Variants in ADGRL4 observed in about 807,000 individuals in gnomAD.
ADGRL4 encodes EGF, latrophilin and seven transmembrane domain containing 1.
A neutral mutation model predicts 74.8 loss-of-function variants in ADGRL4; 90 were observed. The ratio of observed to expected loss-of-function variants is 1.20; its 90% CI spans 1.02 to 1.43. ADGRL4 has a LOEUF of 1.43. Among genes scored for constraint, ADGRL4 ranks in the 40% most tolerant of loss-of-function variants. ADGRL4 has a pLI of 0.00. For missense variants in ADGRL4, 881 were observed against 814.3 expected, an observed-to-expected ratio of 1.08 and a Z score of -1.00; for synonymous variants, 311 against 279.2, an observed-to-expected ratio of 1.11 and a Z score of -1.14.
intron 1 of ADGRL4, 112 bp from the exon 2 acceptor site, chr1:79,005,331 T>C (rs975950334): frequency 1.8e-5 from 16 of 902,446 alleles, no homozygotes; most frequent in Admixed American, 1.1e-4. Context: ...TTTAGATAAA[T>C]GGATTATAAA....
At chr1:78,946,517 G>T in intron 2 of ADGRL4, 91 bp from the exon 3 acceptor site, 3 of 1,083,380 alleles carry the variant, frequency 2.8e-6, no homozygotes, top group South Asian at 1.6e-5. Flanking sequence ...TTGACTGTTA[G>T]ATAGTTTAAG....
intron 7 of ADGRL4, among the ~76,000 whole-genome samples, chr1:78,929,070 G>C (rs1183048410): frequency 6.6e-6 from 1 of 151,412 alleles, no homozygotes; most frequent in Non-Finnish European, 1.5e-5. Flanking sequence ...GATTTCATAA[G>C]TAATTTGAAA....
At chr1:79,006,405 C>G (rs1184123845) in intron 1 of ADGRL4, among the ~76,000 whole-genome samples, 3 of 152,144 alleles carry the variant, frequency 2.0e-5, no homozygotes, top group Non-Finnish European at 4.4e-5. Context: ...GGATGCTGGA[C>G]ACTTCCTCAA....
At chr1:78,965,373 T>C (rs1018652311) in intron 2 of ADGRL4, among the ~76,000 whole-genome samples, 2 of 152,158 alleles carry the variant, frequency 1.3e-5, no homozygotes, top group African/African-American at 2.4e-5. Flanking sequence ...GTTTATAGTA[T>C]ACAAACTTTG....
At chr1:78,982,616 G>A (rs942180110) in intron 2 of ADGRL4, among the ~76,000 whole-genome samples, 1 of 151,810 alleles carries the variant, frequency 6.6e-6, no homozygotes, top group Non-Finnish European at 1.5e-5. Context: ...CTTACAATAT[G>A]AGGACTAGAT....
Position 78,978,959 on chromosome 1 carries a change from G to C in ADGRL4, c.172+26111C>G, listed in dbSNP as rs78834887. 2.1e-3 allele frequency among the ~76,000 whole-genome samples: 324 copies of C among 151,794 alleles called. 1 individual carries two copies. Among genetic ancestry groups the C allele is most frequent in the African/African-American group, 6.9e-3 (285 of 41,394 alleles). Reference sequence around the variant, plus strand: ...AATATTTTTGGACTGTGAATATTTAGTATTTAACACTAGCAGCAGCAATTT... The same window carrying C: ...AATATTTTTGGACTGTGAATATTTACTATTTAACACTAGCAGCAGCAATTT... On this transcript the variant is annotated intron_variant, in intron 2 of 14. Coordinates refer to ENST00000370742, the MANE Select transcript of ADGRL4 (RefSeq NM_022159.4).
intron 2 of ADGRL4, among the ~76,000 whole-genome samples, chr1:78,999,156 A>T (rs933829289): frequency 6.6e-6 from 1 of 152,178 alleles, no homozygotes; most frequent in African/African-American, 2.4e-5. Context: ...ATGCCCTAAA[A>T]ATTGGGACTA....
chr1:78,918,395 T>C (rs1401021921), intron 10 of ADGRL4, among the ~76,000 whole-genome samples: 1 of 151,958 alleles, frequency 6.6e-6, no homozygotes, highest in Non-Finnish European at 1.5e-5. Flanking sequence ...AGTTGATTTC[T>C]GTTTTGGAGA....
At chr1:78,971,403 C>A (rs1650163626) in intron 2 of ADGRL4, among the ~76,000 whole-genome samples, 1 of 152,046 alleles carries the variant, frequency 6.6e-6, no homozygotes, top group Admixed American at 6.6e-5. Flanking sequence ...GAATGGCTCC[C>A]TGGAAGAACC....
chr1:78,890,794 G>A lies in ADGRL4; in HGVS notation c.*360C>T, dbSNP rs1442011248. On this transcript the variant is annotated 3_prime_UTR_variant, in exon 15 of 15. Transcript: ENST00000370742. ...GGGACTAGTTTCAAAGGCAACACGA[G>A]TCACAGAAATATCAAGCCAGTGGTT... 3.0e-5 allele frequency: 6 copies of A among 201,002 alleles called. No individual in the cohort carries two copies. The highest frequency in any genetic ancestry group is 9.4e-5 in the African/African-American group (4 of 42,708). The allele number at this position is 201,002 out of a possible 1,614,324, so 12.5% of individuals were successfully genotyped here.
chr1:78,961,490 T>A (rs1041121432), intron 2 of ADGRL4, among the ~76,000 whole-genome samples: 1 of 152,216 alleles, frequency 6.6e-6, no homozygotes, highest in South Asian at 2.1e-4. Context: ...TCCTAATGGG[T>A]CATGAAAGAC....
At chr1:78,907,227 A>G (rs1240674576) in intron 12 of ADGRL4, among the ~76,000 whole-genome samples, 1 of 152,122 alleles carries the variant, frequency 6.6e-6, no homozygotes, top group Non-Finnish European at 1.5e-5. Context: ...TAAATAAAGT[A>G]AAAGTGATAG....
At chr1:78,996,517 G>A (rs1315071146) in intron 2 of ADGRL4, among the ~76,000 whole-genome samples, 1 of 152,138 alleles carries the variant, frequency 6.6e-6, no homozygotes, top group Non-Finnish European at 1.5e-5. Context: ...GAAGATAAGT[G>A]GTCTTCTGTG....
chr1:78,949,358 G>A (rs1445516830), intron 2 of ADGRL4, among the ~76,000 whole-genome samples: 1 of 152,182 alleles, frequency 6.6e-6, no homozygotes, highest in African/African-American at 2.4e-5. Flanking sequence ...TCTTCCTGCT[G>A]TATGGTTTTG....
intron 6 of ADGRL4, among the ~76,000 whole-genome samples, chr1:78,937,138 A>C (rs1213431104): frequency 1.3e-5 from 2 of 152,214 alleles, no homozygotes; most frequent in Admixed American, 6.5e-5. Flanking sequence ...GGATTCTTAA[A>C]TAGAAGTTTA....
intron 2 of ADGRL4, among the ~76,000 whole-genome samples, chr1:78,946,838 T>C (rs1160547964): frequency 2.0e-5 from 3 of 152,208 alleles, no homozygotes; most frequent in Non-Finnish European, 4.4e-5. Context: ...GTTGTTATCA[T>C]GTACTATTTA....
At chr1:78,947,249 G>T (rs150990428) in intron 2 of ADGRL4, among the ~76,000 whole-genome samples, 2 of 152,230 alleles carry the variant, frequency 1.3e-5, no homozygotes, top group African/African-American at 4.8e-5. Context: ...GTTTGAAATA[G>T]GCCCTTTGGA....
At chr1:78,936,116 T>C (rs1393465279) in intron 7 of ADGRL4, among the ~76,000 whole-genome samples, 179 bp downstream of exon 7, 1 of 12,466 alleles carries the variant, frequency 8.0e-5, no homozygotes, top group East Asian at 3.8e-3. Context: ...AGAGCGAGAC[T>C]CCGTCTCAAA....
intron 12 of ADGRL4, among the ~76,000 whole-genome samples, chr1:78,899,251 G>A (rs1648467573): frequency 1.3e-5 from 2 of 152,128 alleles, no homozygotes; most frequent in Non-Finnish European, 2.9e-5. Flanking sequence ...ACCTGCTTTT[G>A]CTATGAACAA....
Sources: allele counts gnomAD v4.1 joint callset (sites outside exome capture counted in the v4.1 genomes callset), GRCh38; gene constraint gnomAD v4.1.1; transcripts MANE v1.5; gene names NCBI Gene and HGNC (gene_info 2026-07-23, HGNC 2026-07-21).